ABR: variants seen among roughly 807,000 people sequenced by gnomAD.
The protein encoded by ABR is ABR activator of RhoGEF and GTPase.
In ABR, 35 loss-of-function variants were observed where a neutral mutation model predicts 107.2. The ratio of observed to expected loss-of-function variants is 0.33; its 90% CI spans 0.25 to 0.43. The LOEUF is 0.43. Among genes scored for constraint, ABR ranks in the 20% least tolerant of loss-of-function variants. The pLI, the probability that ABR is intolerant of heterozygous loss-of-function variation, is 1.00. For synonymous variants in ABR, 498 were observed against 462.0 expected (o/e 1.08, Z -1.00); for missense variants, 815 against 1,115.2 (o/e 0.73, Z 3.83).
intron 1 of ABR, among the ~76,000 whole-genome samples, chr17:1,205,488 G>A (rs2042771776): frequency 6.6e-6 from 1 of 152,190 alleles, no homozygotes; most frequent in Admixed American, 6.5e-5. Flanking sequence ...TCATTTCCAA[G>A]ATTTCAGTAG....
chr17:1,184,909 T>A (rs1333885251), upstream of ABR: 1 of 152,140 alleles, frequency 6.6e-6, no homozygotes, highest in African/African-American at 2.4e-5. Flanking sequence ...AATAAGCCAA[T>A]TTACTATTAT....
Position 1,004,112 on chromosome 17 carries a change from C to T in ABR, c.*1968G>A, listed in dbSNP as rs1212244810. ...GTCTGGGCCGTGACTCACTCTGCCC[C>T]TTCCTGTCCATCACTTTGGAAGCAA... is the stretch of plus-strand genomic sequence containing the variant. On this transcript the variant is annotated 3_prime_UTR_variant, in exon 23 of 23. Transcript: ENST00000302538. 1 of 152,266 alleles carries T rather than the reference C, an allele frequency of 6.6e-6. No individual in the cohort carries two copies. Among genetic ancestry groups the T allele is most frequent in the Non-Finnish European group, 1.5e-5 (1 of 68,062 alleles). 9.4% of individuals were successfully genotyped at this position (152,266 alleles called of 1,614,324 possible). A position where few individuals can be genotyped will look rare whatever the true frequency, so the allele number is the denominator to read the frequency against.
chr17:1,087,346 G>C (rs1238973798), intron 4 of ABR, among the ~76,000 whole-genome samples: 1 of 152,018 alleles, frequency 6.6e-6, no homozygotes, highest in Non-Finnish European at 1.5e-5. Flanking sequence ...CCGCAGCATC[G>C]GCTGAGCCTG....
At chr17:1,198,764 T>C (rs1567885440) in intron 1 of ABR, among the ~76,000 whole-genome samples, 1 of 149,084 alleles carries the variant, frequency 6.7e-6, no homozygotes, top group East Asian at 2.0e-4. Flanking sequence ...GCCTCTCCAG[T>C]ACCTGGGACT....
At chr17:1,130,287 C>T (rs991097993) in intron 1 of ABR, among the ~76,000 whole-genome samples, 5 of 152,106 alleles carry the variant, frequency 3.3e-5, no homozygotes, top group African/African-American at 9.7e-5. Context: ...GCAGCCTTTT[C>T]CCAAAGACCA....
intron 16 of ABR, among the ~76,000 whole-genome samples, chr17:1,035,154 T>C (rs2073071206): frequency 1.3e-5 from 2 of 151,724 alleles, no homozygotes; most frequent in African/African-American, 4.9e-5. Context: ...CTGGAGTCAA[T>C]GGTCTTGGGT....
intron 1 of ABR, among the ~76,000 whole-genome samples, chr17:1,147,208 C>T (rs918750014): frequency 6.6e-6 from 1 of 152,198 alleles, no homozygotes; most frequent in African/African-American, 2.4e-5. Context: ...CCCTTGGAGG[C>T]CACATATTCC....
At chr17:1,223,859 G>A (rs991918174) in intron 1 of ABR, among the ~76,000 whole-genome samples, 4 of 152,074 alleles carry the variant, frequency 2.6e-5, no homozygotes, top group Admixed American at 6.6e-5. Flanking sequence ...ACAACAGCCC[G>A]GGGGAAACCG....
intron 6 of ABR, among the ~76,000 whole-genome samples, chr17:1,077,142 C>T (rs1030365561): frequency 2.0e-5 from 3 of 152,160 alleles, no homozygotes; most frequent in East Asian, 1.9e-4. Context: ...TAGATCCACC[C>T]GCACTCCTTG....
intron 1 of ABR, among the ~76,000 whole-genome samples, chr17:1,172,040 C>T (rs1248770687): frequency 6.6e-6 from 1 of 152,206 alleles, no homozygotes; most frequent in Admixed American, 6.5e-5. Flanking sequence ...TGACATTTTC[C>T]ATACAGCCAG....
At chr17:1,102,636 T>C (rs2037974727) in intron 2 of ABR, among the ~76,000 whole-genome samples, 1 of 152,262 alleles carries the variant, frequency 6.6e-6, no homozygotes, top group Non-Finnish European at 1.5e-5. Flanking sequence ...GGCCGCAGGC[T>C]GGAAAAGCTT....
At position 1,050,738 on chromosome 17, in the gene ABR, C is replaced by T. The variant is rs189863149; in HGVS notation, c.1562-104G>A. The T allele has an allele frequency of 3.1e-5, 28 of 895,574 alleles. No individual in the cohort carries two copies. Among genetic ancestry groups the T allele is most frequent in the Middle Eastern group, 2.6e-4 (1 of 3,832 alleles). 55.5% of individuals were successfully genotyped at this position (895,574 alleles called of 1,614,324 possible). ...GGGACATCGCATCTGTCCTTTCCAA[C>T]GTCCCCACGGATGGCATCTTGGCTC... is the stretch of plus-strand genomic sequence containing the variant. On this transcript the variant is annotated intron_variant, in intron 14 of 22. Coordinates refer to ENST00000302538, the MANE Select transcript of ABR (RefSeq NM_021962.5). This position sits in a 1 kb window ranked among gnomAD's most constrained non-coding sequence, Gnocchi z 4.6.
At chr17:1,046,942 C>T (rs368019864) in intron 16 of ABR, among the ~76,000 whole-genome samples, 25 of 152,350 alleles carry the variant, frequency 1.6e-4, no homozygotes, top group African/African-American at 5.8e-4. Context: ...ATTGGTGACG[C>T]ATGCTGCCGT....
At chr17:1,149,246 T>TA (rs1454799037) in intron 1 of ABR, among the ~76,000 whole-genome samples, 6 of 150,214 alleles carry the variant, frequency 4.0e-5, no homozygotes, top group East Asian at 1.9e-4. Context: ...AATCTAAATT[T>TA]AAAAAAAAAG....
At chr17:1,021,403 C>T (rs2150818837) in intron 16 of ABR, among the ~76,000 whole-genome samples, 1 of 152,356 alleles carries the variant, frequency 6.6e-6, no homozygotes, top group African/African-American at 2.4e-5. Flanking sequence ...GGGGCCGCCC[C>T]ATCCTGCCTC....
rs2036483455 is a variant in ABR at position 1,084,800 on chromosome 17, A to T, written c.532-1173T>A. Among the ~76,000 whole-genome samples the T allele has an allele frequency of 6.6e-6, 1 of 152,176 alleles. No individual in the cohort carries two copies. Among genetic ancestry groups the T allele is most frequent in the African/African-American group, 2.4e-5 (1 of 41,438 alleles). On this transcript the variant is annotated intron_variant, in intron 4 of 22. Coordinates refer to ENST00000302538, the MANE Select transcript of ABR (RefSeq NM_021962.5). The surrounding 1 kb of genome is among the most constrained non-coding windows in gnomAD (Gnocchi z 4.2). ...GGCTGGCAAGCATATGGGGAAATTT[A>T]AACTCCCTGTTTTTGTTTTTGTTTT...
chr17:1,056,828 T>TAGAC (rs2033333365), intron 13 of ABR, among the ~76,000 whole-genome samples, 170 bp downstream of exon 13: 2 of 152,122 alleles, frequency 1.3e-5, no homozygotes, highest in Non-Finnish European at 2.9e-5. Context: ...GGGAACTCAG[T>TAGAC]AGACAGTCAC....
rs2031405290 is a variant in ABR at position 1,045,368 on chromosome 17, ACAATCTTCCGTCTTCTTACAGCAG to A, written c.1791+4658_1791+4681del. ...CAATCTTCCATCTTCTTACAGCAGG[ACAATCTTCCGTCTTCTTACAGCAG>A]GACAATCTTCCGTCTTCTTACAGCA... On this transcript the variant is annotated intron_variant, in intron 16 of 22. Coordinates refer to ENST00000302538, the MANE Select transcript of ABR (RefSeq NM_021962.5). Among the ~76,000 whole-genome samples the A allele has an allele frequency of 3.1e-5, 4 of 130,824 alleles. No homozygotes were observed. The Admixed American group carries it at 3.6e-4, about 12-fold the overall frequency. The allele number at this position is 130,824 out of a possible 152,430, so 85.8% of individuals were successfully genotyped here. A position where few individuals can be genotyped will look rare whatever the true frequency, so the allele number is the denominator to read the frequency against.
chr17:1,048,955 G>A (rs538008901), intron 16 of ABR, among the ~76,000 whole-genome samples: 2 of 152,288 alleles, frequency 1.3e-5, no homozygotes, highest in South Asian at 2.1e-4. Flanking sequence ...GACCACTTGC[G>A]GCACAGCACG....
Sources: gnomAD v4.1 joint callset for allele counts (sites outside exome capture counted in the v4.1 genomes callset) on GRCh38, gnomAD v4.1.1 for gene constraint, Gnocchi (gnomAD v3.1) non-coding constraint, MANE v1.5 for transcripts, NCBI Gene and HGNC (gene_info 2026-07-23, HGNC 2026-07-21) for gene names.